The following NUTM2E variants were observed in gnomAD, a reference collection of about 807,000 sequenced individuals.
NUTM2E encodes the protein family with sequence similarity 22, member E.
In NUTM2E, 3 loss-of-function variants were observed where a neutral mutation model predicts 26.1. That is an observed-to-expected ratio of 0.12 (90% CI 0.05 to 0.30). NUTM2E has a LOEUF of 0.30. NUTM2E is among the 10% of genes least tolerant of loss of function. NUTM2E has a pLI of 1.00. For missense variants in NUTM2E, 62 were observed against 381.3 expected, an observed-to-expected ratio of 0.16 and a Z score of 6.97; for synonymous variants, 13 against 157.5, an observed-to-expected ratio of 0.08 and a Z score of 6.87.
rs1404161197 is a variant in NUTM2E at position 79,840,311 on chromosome 10, G to A, written c.-1430G>A. On this transcript the variant is annotated 5_prime_UTR_variant, in exon 4 of 10. Coordinates refer to ENST00000429984, the MANE Select transcript of NUTM2E (RefSeq NM_001355263.2). ...GATTTTGCTTGAATTGCTCTCCGTT[G>A]ATCTTCTCAGCTAAGATGGAGGTAG... 8.4e-6 allele frequency among the ~76,000 whole-genome samples: 1 copy of A among 118,686 alleles called. No individual in the cohort carries two copies. Among genetic ancestry groups the A allele is most frequent in the Admixed American group, 9.2e-5 (1 of 10,916 alleles). The allele number at this position is 118,686 out of a possible 152,430, so 77.9% of individuals were successfully genotyped here.
At chr10:79,828,011 T>C (rs1030389983) in intron 1 of NUTM2E, among the ~76,000 whole-genome samples, 1 of 151,466 alleles carries the variant, frequency 6.6e-6, no homozygotes, top group African/African-American at 2.4e-5. Context: ...GTCAGGCTGG[T>C]CGCAAACTCC....
At chr10:79,827,666 G>GT (rs1247141819) in intron 1 of NUTM2E, 3 of 151,100 alleles carry the variant, frequency 2.0e-5, no homozygotes, top group Admixed American at 2.0e-4. Context: ...GAAAGTAACT[G>GT]TAAGTGGAGC....
In NUTM2E at chr10:79,826,991, A is replaced by G. The variant is rs1003029842; in HGVS notation, c.-3094A>G. 1 of 81,894 alleles carries G rather than the reference A, an allele frequency of 1.2e-5. No individual in the cohort carries two copies. Among genetic ancestry groups the G allele is most frequent in the Non-Finnish European group, 2.9e-5 (1 of 34,952 alleles). The allele number at this position is 81,894 out of a possible 1,614,324, so 5.1% of individuals were successfully genotyped here. Reference sequence around the variant, plus strand: ...TGAGCTGCCAGCGGCTGTTCTCCCTAAGCACCCTCGCTCACGTCGCCTCGC... The same window carrying G: ...TGAGCTGCCAGCGGCTGTTCTCCCTGAGCACCCTCGCTCACGTCGCCTCGC... On this transcript the variant is annotated 5_prime_UTR_variant, in exon 1 of 10. Transcript: ENST00000429984.
chr10:79,831,167 AT>A (rs1186733040), intron 1 of NUTM2E, among the ~76,000 whole-genome samples: 4 of 151,860 alleles, frequency 2.6e-5, no homozygotes, highest in African/African-American at 9.7e-5. Context: ...AATGAAGAGA[AT>A]AAGTGAATTC....
intron 1 of NUTM2E, among the ~76,000 whole-genome samples, chr10:79,830,088 C>T (rs1050237799): frequency 3.3e-5 from 5 of 151,566 alleles, no homozygotes; most frequent in African/African-American, 1.2e-4. Context: ...TTTAGTAAAT[C>T]AAGTTCTCAG....
chr10:79,831,185 C>A (rs557654809), intron 1 of NUTM2E, among the ~76,000 whole-genome samples: 12 of 151,902 alleles, frequency 7.9e-5, no homozygotes, highest in African/African-American at 2.7e-4. Flanking sequence ...ATTCTCCAAA[C>A]CCAGAGCTAA....
At chr10:79,832,397 T>G (rs942888040) in intron 1 of NUTM2E, among the ~76,000 whole-genome samples, 9 of 151,646 alleles carry the variant, frequency 5.9e-5, no homozygotes, top group African/African-American at 1.9e-4. Context: ...AAGAAAATAT[T>G]CTATTGATCC....
chr10:79,836,344 A>T (rs1300474438), intron 1 of NUTM2E, among the ~76,000 whole-genome samples: 1 of 151,960 alleles, frequency 6.6e-6, no homozygotes, highest in Non-Finnish European at 1.5e-5. Context: ...TTGTCTAAAA[A>T]AAAATTCATT....
rs1415642233 is a variant in NUTM2E at position 79,840,062 on chromosome 10, T to A, written c.-1679T>A. On this transcript the variant is annotated 5_prime_UTR_variant, in exon 4 of 10. An upstream start codon of the reference 5' UTR is lost. Coordinates refer to ENST00000429984, the MANE Select transcript of NUTM2E (RefSeq NM_001355263.2). ...ATTCAAATCCTGTATCAAAGCCACA[T>A]GTGAGAATCTTGAGAAAGCATCAGC... Among the ~76,000 whole-genome samples the A allele has an allele frequency of 2.7e-5, 4 of 149,930 alleles. No homozygotes were observed. The highest frequency in any genetic ancestry group is 1.0e-4 in the African/African-American group (4 of 40,000).
Position 79,826,924 on chromosome 10 carries a change from C to T in NUTM2E, c.-3161C>T, listed in dbSNP as rs1163988856. The T allele has an allele frequency of 6.6e-6, 1 of 150,638 alleles. No homozygotes were observed. Among genetic ancestry groups the T allele is most frequent in the Non-Finnish European group, 1.5e-5 (1 of 67,510 alleles). 9.3% of individuals were successfully genotyped at this position (150,638 alleles called of 1,614,324 possible). Reference sequence around the variant, plus strand: ...TCGGGATCCGGGTCGGGGTGTCGGCCGGGTTGCTGCCGGGCACCGTCGAGC... The same window carrying T: ...TCGGGATCCGGGTCGGGGTGTCGGCTGGGTTGCTGCCGGGCACCGTCGAGC... On this transcript the variant is annotated 5_prime_UTR_variant, in exon 1 of 10. Coordinates refer to ENST00000429984, the MANE Select transcript of NUTM2E (RefSeq NM_001355263.2).
chr10:79,831,343 A>T (rs1841926125), intron 1 of NUTM2E, among the ~76,000 whole-genome samples: 1 of 151,374 alleles, frequency 6.6e-6, no homozygotes, highest in South Asian at 2.1e-4. Context: ...AAATACTTAA[A>T]TTAGCTTAGA....
intron 1 of NUTM2E, among the ~76,000 whole-genome samples, chr10:79,837,098 T>C (rs1488182959): frequency 3.3e-5 from 5 of 151,966 alleles, no homozygotes. Context: ...GAGGGAGATG[T>C]AGCCTGGCAG....
intron 1 of NUTM2E, among the ~76,000 whole-genome samples, chr10:79,834,876 A>G (rs1841951920): frequency 6.6e-6 from 1 of 151,496 alleles, no homozygotes; most frequent in African/African-American, 2.4e-5. Flanking sequence ...TTTCTGTTAT[A>G]TATCAAATCA....
At chr10:79,827,566 CAAAAAAAAA>C (rs879172921) in intron 1 of NUTM2E, 3 of 104,608 alleles carry the variant, frequency 2.9e-5, no homozygotes, top group Non-Finnish European at 6.5e-5. Flanking sequence ...CCCATGCTCA[CAAAAAAAAA>C]AAAAAAAAAT....
intron 1 of NUTM2E, among the ~76,000 whole-genome samples, chr10:79,837,625 A>G (rs1286461469): frequency 6.6e-6 from 1 of 152,048 alleles, no homozygotes; most frequent in Non-Finnish European, 1.5e-5. Flanking sequence ...AAAATAAACA[A>G]CAACAAACAC....
chr10:79,836,338 C>G (rs1841963497), intron 1 of NUTM2E, among the ~76,000 whole-genome samples: 1 of 151,498 alleles, frequency 6.6e-6, no homozygotes, highest in African/African-American at 2.4e-5. Context: ...TTGGGTTTGT[C>G]TAAAAAAAAA....
Position 79,827,274 on chromosome 10 carries a change from C to T in NUTM2E, c.-2811C>T, listed in dbSNP as rs1247872230. On this transcript the variant is annotated 5_prime_UTR_variant, in exon 1 of 10. Coordinates refer to ENST00000429984, the MANE Select transcript of NUTM2E (RefSeq NM_001355263.2). ...CTACTGTGCGGGATTATTCAACAAG[C>T]CGATTGATCACATTCTTCAGCTCTA... The T allele has an allele frequency of 6.5e-6, 1 of 152,982 alleles. No individual in the cohort carries two copies. Among genetic ancestry groups the T allele is most frequent in the East Asian group, 1.9e-4 (1 of 5,152 alleles). The allele number at this position is 152,982 out of a possible 1,614,324, so 9.5% of individuals were successfully genotyped here. A position where few individuals can be genotyped will look rare whatever the true frequency, so the allele number is the denominator to read the frequency against.
intron 1 of NUTM2E, among the ~76,000 whole-genome samples, chr10:79,830,038 A>C (rs1466859666): frequency 6.6e-6 from 1 of 151,730 alleles, no homozygotes; most frequent in East Asian, 1.9e-4. Flanking sequence ...TAAAATAATA[A>C]TGATATATTT....
intron 1 of NUTM2E, among the ~76,000 whole-genome samples, chr10:79,834,362 A>G (rs914852277): frequency 8.6e-5 from 13 of 151,574 alleles, no homozygotes; most frequent in African/African-American, 2.7e-4. Flanking sequence ...AAAGAAAGAA[A>G]TGTTTTCATT....
Sources: gnomAD v4.1 joint callset for allele counts (sites outside exome capture counted in the v4.1 genomes callset) on GRCh38, gnomAD v4.1.1 for gene constraint, MANE v1.5 for transcripts, NCBI Gene and HGNC (gene_info 2026-07-23, HGNC 2026-07-21) for gene names.